Variants in PTK2B observed in about 807,000 individuals in gnomAD.
PTK2B encodes protein tyrosine kinase 2 beta.
PTK2B carries 71 observed loss-of-function variants against 142.9 expected under a neutral mutation model. The ratio of observed to expected loss-of-function variants is 0.50; its 90% CI spans 0.41 to 0.61. The LOEUF (loss-of-function observed/expected upper bound fraction) is 0.61, where lower values mean the gene tolerates loss of function less well. Ranked by LOEUF, PTK2B falls within the 20% of genes least tolerant of loss-of-function variation. The probability of loss-of-function intolerance (pLI) is 0.00; values close to 1 mark genes in which losing one functional copy is unlikely to be tolerated. For synonymous variants in PTK2B, 519 were observed against 503.4 expected, an observed-to-expected ratio of 1.03 and a Z score of -0.42; for missense variants, 1,105 against 1,320.4, an observed-to-expected ratio of 0.84 and a Z score of 2.53.
intron 1 of PTK2B, among the ~76,000 whole-genome samples, chr8:27,394,823 T>C (rs964247717): frequency 2.0e-5 from 3 of 152,126 alleles, no homozygotes; most frequent in African/African-American, 7.2e-5. Context: ...TTTCTAAAGA[T>C]TTTTATTTTT....
At chr8:27,414,885 G>T (rs1386149483) in intron 2 of PTK2B, among the ~76,000 whole-genome samples, 1 of 142,014 alleles carries the variant, frequency 7.0e-6, no homozygotes, top group Non-Finnish European at 1.6e-5. Context: ...ATCTCTCTTG[G>T]CCCAACTCCT....
At chr8:27,399,137 AT>A in intron 2 of PTK2B, among the ~76,000 whole-genome samples, 1 of 152,280 alleles carries the variant, frequency 6.6e-6, no homozygotes, top group East Asian at 1.9e-4. Flanking sequence ...TCCACTGTGA[AT>A]TTTACTAGTT....
chr8:27,413,875 C>T (rs574492810), intron 2 of PTK2B, among the ~76,000 whole-genome samples: 1 of 152,302 alleles, frequency 6.6e-6, no homozygotes, highest in African/African-American at 2.4e-5. Context: ...CTTTCTTCTA[C>T]ATTTATTTCT....
intron 5 of PTK2B, among the ~76,000 whole-genome samples, chr8:27,428,135 G>T (rs903135461): frequency 3.1e-4 from 47 of 152,246 alleles, no homozygotes; most frequent in African/African-American, 1.1e-3. Flanking sequence ...CATAAGGAGC[G>T]TGAAACCTAG....
chr8:27,378,567 A>G (rs1394182352), intron 1 of PTK2B, among the ~76,000 whole-genome samples: 1 of 151,628 alleles, frequency 6.6e-6, no homozygotes, highest in Non-Finnish European at 1.5e-5. Flanking sequence ...TTTAAGTTGC[A>G]CATGATTCAA....
chr8:27,449,758 G>C (rs7846626), intron 24 of PTK2B, among the ~76,000 whole-genome samples: 60,277 of 152,052 alleles, frequency 0.4, 12,286 homozygotes, highest in South Asian at 0.45. Context: ...AATGAACCGT[G>C]GGGGAAGACT....
chr8:27,412,556 C>T (rs1301957218), intron 2 of PTK2B, among the ~76,000 whole-genome samples: 5 of 152,054 alleles, frequency 3.3e-5, no homozygotes, highest in South Asian at 2.1e-4. Context: ...TTCAGGTTTG[C>T]CCCCCAGGAA....
intron 1 of PTK2B, among the ~76,000 whole-genome samples, chr8:27,380,119 A>G (rs1806923943): frequency 6.6e-6 from 1 of 151,828 alleles, no homozygotes; most frequent in Non-Finnish European, 1.5e-5. Flanking sequence ...TTCTGTCCAT[A>G]AGCTCCTATT....
rs141744444 is a variant in PTK2B, at chr8:27,458,437, C to T, written c.2958C>T (p.Asp986=). The change falls in exon 31 of 31, where the codon GAC becomes GAT. Residue 986 remains aspartate (D), a synonymous_variant. Transcript: ENST00000346049. ...CGGCTTCACACACCCTGGCTGTGGA[C>T]GCCAAGAACCTGCTCGACGCTGTGG... The part of the protein sequence containing the change: ...MLTASHTLAV[D]AKNLLDAVDQ... 160 of 1,609,770 alleles carry T rather than the reference C, an allele frequency of 9.9e-5. 1 individual carries two copies. In the African/African-American group the frequency reaches 1.2e-3, roughly 12 times the overall value.
chr8:27,437,303 G>T, intron 16 of PTK2B, 93 bp from the exon 17 acceptor site: 1 of 1,547,432 alleles, frequency 6.5e-7, no homozygotes, highest in Non-Finnish European at 8.9e-7. Flanking sequence ...TTGGAGGAGG[G>T]GTTCCCGTCC....
intron 30 of PTK2B, 81 bp downstream of exon 30, chr8:27,454,692 G>A: frequency 6.9e-7 from 1 of 1,445,522 alleles, no homozygotes; most frequent in Non-Finnish European, 9.6e-7. Flanking sequence ...CATGATGGCT[G>A]CCTGGGCAAC....
At chr8:27,443,922 G>T (rs2132303415) in intron 22 of PTK2B, among the ~76,000 whole-genome samples, 1 of 152,300 alleles carries the variant, frequency 6.6e-6, no homozygotes, top group African/African-American at 2.4e-5. Flanking sequence ...CTGACTTGGT[G>T]GGTGCTCCCA....
At chr8:27,362,534 C>T (rs1310996578) in intron 1 of PTK2B, among the ~76,000 whole-genome samples, 18 of 152,172 alleles carry the variant, frequency 1.2e-4, no homozygotes, top group Non-Finnish European at 4.4e-5. Context: ...CTCTGCTCCT[C>T]TGACACTACT....
chr8:27,387,210 C>T (rs1023090967), intron 1 of PTK2B, among the ~76,000 whole-genome samples: 6 of 152,256 alleles, frequency 3.9e-5, no homozygotes, highest in Admixed American at 3.3e-4. Flanking sequence ...AGTGGAAAAT[C>T]TGAGCTCTGG....
intron 2 of PTK2B, among the ~76,000 whole-genome samples, chr8:27,398,858 G>A (rs531126264): frequency 7.2e-5 from 11 of 152,200 alleles, no homozygotes; most frequent in Non-Finnish European, 1.3e-4. Context: ...TATAGCACAC[G>A]CTGTGCTTCC....
intron 1 of PTK2B, among the ~76,000 whole-genome samples, chr8:27,340,218 C>A (rs959017425): frequency 5.9e-5 from 9 of 152,200 alleles, no homozygotes; most frequent in African/African-American, 2.2e-4. Flanking sequence ...CACAGTGAGA[C>A]CAGATGTTCT....
intron 29 of PTK2B, 47 bp downstream of exon 29, chr8:27,454,338 C>G (rs1482088911): frequency 6.3e-7 from 1 of 1,596,052 alleles, no homozygotes; most frequent in African/African-American, 1.3e-5. Context: ...TCAAGTCCGC[C>G]CTGGAAGGAA....
At chr8:27,310,543 G>A (rs528658444), upstream of PTK2B, among the ~76,000 whole-genome samples, 1 of 152,396 alleles carries the variant, frequency 6.6e-6, no homozygotes, top group Non-Finnish European at 1.5e-5. Context: ...AGAAGCAAGT[G>A]TCGCTGTCTT....
chr8:27,319,438 C>A (rs10103404), intron 3 of PTK2B, among the ~76,000 whole-genome samples: 1 of 150,856 alleles, frequency 6.6e-6, no homozygotes, highest in Non-Finnish European at 1.5e-5. Context: ...GTCAGGAGAT[C>A]GAGACTGTCC....
Sources: allele counts gnomAD v4.1 joint callset (sites outside exome capture counted in the v4.1 genomes callset), GRCh38; gene constraint gnomAD v4.1.1; transcripts MANE v1.5; gene names NCBI Gene and HGNC (gene_info 2026-07-23, HGNC 2026-07-21).